Variants in ATP5F1B observed in about 807,000 individuals in gnomAD.
ATP5F1B encodes ATP synthase F1 subunit beta.
Under a neutral mutation model 45.9 loss-of-function variants are expected in ATP5F1B, and 17 were observed. That is an observed-to-expected ratio of 0.37 (90% CI 0.25 to 0.56). The LOEUF is 0.56. Ranked by LOEUF, ATP5F1B falls within the 20% of genes least tolerant of loss-of-function variation. ATP5F1B has a pLI of 0.80. For missense variants in ATP5F1B, 387 were observed against 673.2 expected (o/e 0.57, Z 4.70); for synonymous variants, 218 against 256.5 (o/e 0.85, Z 1.43).
intron 2 of ATP5F1B, 102 bp downstream of exon 2, chr12:56,645,069 C>G: frequency 1.9e-6 from 3 of 1,606,832 alleles, no homozygotes; most frequent in Non-Finnish European, 2.6e-6. Context: ...CTCAGAAGAA[C>G]GAAAGTCATT....
In ATP5F1B at chr12:56,645,865, C is replaced by A. The variant is rs750807220; in HGVS notation, c.99G>T (p.Leu33=). Residue 33 remains leucine (L), a synonymous_variant, in exon 1 of 10, where the codon CTG becomes CTT. Coordinates refer to ENST00000262030, the MANE Select transcript of ATP5F1B (RefSeq NM_001686.4). ...GATGGACCGCCGTCGGAGCGGCCCG[C>A]AGTAAGAGCTGAGCTGGGGGCAGCG... ...SASLPPAQLL[L]RAAPTAVHPV... is the part of the protein sequence containing the mutation. The A allele has an allele frequency of 1.2e-6, 2 of 1,609,522 alleles. No individual in the cohort carries two copies. The highest frequency in any genetic ancestry group is 2.2e-5 in the East Asian group (1 of 44,714).
chr12:56,641,546 ATT>A (rs558768752), intron 7 of ATP5F1B, among the ~76,000 whole-genome samples: 1 of 146,710 alleles, frequency 6.8e-6, no homozygotes, highest in African/African-American at 2.5e-5. Context: ...AATGCAGTAA[ATT>A]TTTTTTTTTT....
At chr12:56,640,340 G>A (rs1951502833) in intron 7 of ATP5F1B, 148 bp from the exon 8 acceptor site, 1 of 668,894 alleles carries the variant, frequency 1.5e-6, no homozygotes, top group Admixed American at 2.9e-5. Flanking sequence ...GCAATTCTCT[G>A]TCTCAGCTTC....
chr12:56,644,557 G>A (rs1379863618), intron 3 of ATP5F1B, among the ~76,000 whole-genome samples: 1 of 151,984 alleles, frequency 6.6e-6, no homozygotes, highest in Non-Finnish European at 1.5e-5. Flanking sequence ...GTTGCAGTGA[G>A]TCGAGAGCGA....
intron 8 of ATP5F1B, chr12:56,639,539 C>T (rs1026061728): frequency 5.8e-6 from 3 of 519,598 alleles, no homozygotes; most frequent in South Asian, 4.1e-5. Flanking sequence ...TTTGGGAGGC[C>T]ACGGTGGGTG....
At position 56,640,010 on chromosome 12, in the gene ATP5F1B, A is replaced by G; in HGVS notation, c.1257T>C (p.Asp419=). Residue 419 remains aspartate, a synonymous_variant, in exon 8 of 10, where the codon GAT becomes GAC. Coordinates refer to ENST00000262030, the MANE Select transcript of ATP5F1B (RefSeq NM_001686.4). ...DPNIVGSEHY[D]VARGVQKILQ... ...GGATCTTTTGCACCCCACGGGCAAC[A>G]TCGTAATGCTCACTGCCAACAATGT... is the stretch of plus-strand genomic sequence containing the variant. The G allele has an allele frequency of 6.2e-7, 1 of 1,614,022 alleles. No homozygotes were observed.
chr12:56,642,018 G>A (rs894662309), intron 7 of ATP5F1B, among the ~76,000 whole-genome samples: 10 of 151,064 alleles, frequency 6.6e-5, no homozygotes, highest in Admixed American at 5.3e-4. Context: ...ATTTTTTGAG[G>A]CAGAGTCTGA....
chr12:56,644,269 A>G (rs1951534240), intron 3 of ATP5F1B, among the ~76,000 whole-genome samples: 1 of 151,736 alleles, frequency 6.6e-6, no homozygotes, highest in Non-Finnish European at 1.5e-5. Flanking sequence ...AAAAACCTAC[A>G]AGTTTTGGAG....
chr12:56,645,109 C>G, intron 2 of ATP5F1B, 62 bp downstream of exon 2: 1 of 1,610,530 alleles, frequency 6.2e-7, no homozygotes, highest in Non-Finnish European at 8.5e-7. Context: ...AGGCAGACAG[C>G]TTGGTTTTGG....
At chr12:56,642,359 T>C (rs1951518638) in intron 7 of ATP5F1B, 99 bp downstream of exon 7, 1 of 1,530,212 alleles carries the variant, frequency 6.5e-7, no homozygotes, top group Non-Finnish European at 8.9e-7. Context: ...TCTCTTGGGC[T>C]CAAGCAATCT....
intron 6 of ATP5F1B, 40 bp from the exon 7 acceptor site, chr12:56,642,620 C>T: frequency 6.2e-7 from 1 of 1,613,994 alleles, no homozygotes; most frequent in Non-Finnish European, 8.5e-7. Flanking sequence ...CATCCTTAGC[C>T]TCATCCGAAG....
At chr12:56,639,350 T>C (rs1204256988) in intron 8 of ATP5F1B, 43 bp from the exon 9 acceptor site, 1 of 1,578,512 alleles carries the variant, frequency 6.3e-7, no homozygotes, top group Non-Finnish European at 8.7e-7. Flanking sequence ...CTCATTCCTT[T>C]AATTTGGACA....
In ATP5F1B at chr12:56,642,562, G is replaced by A. The variant is rs755340059; in HGVS notation, c.970C>T (p.Arg324Ter). The change falls in exon 7 of 10, where the codon CGA (arginine) becomes TGA (stop). Residue 324 changes from arginine to a stop codon, truncating the protein, a stop_gained. Coordinates refer to ENST00000262030, the MANE Select transcript of ATP5F1B (RefSeq NM_001686.4). LOFTEE classifies it high-confidence loss of function. The part of the protein sequence containing the change: ...AGSEVSALLG[R>*]IPSAVGYQPT... ...TGATAGCCCACAGCAGAAGGGATTC[G>A]GCCCAATAATGCAGACACCTAAAAG... 1 of 1,614,014 alleles carries A rather than the reference G, an allele frequency of 6.2e-7. No individual in the cohort carries two copies. The highest frequency in any genetic ancestry group is 1.7e-5 in the Admixed American group (1 of 59,988).
chr12:56,639,023 A>G, intron 9 of ATP5F1B, 83 bp downstream of exon 9: 1 of 1,257,844 alleles, frequency 8.0e-7, no homozygotes, highest in Non-Finnish European at 1.1e-6. Flanking sequence ...AATTAAGCAT[A>G]GTATATTACA....
At chr12:56,640,305 T>C (rs1160456977) in intron 7 of ATP5F1B, 113 bp from the exon 8 acceptor site, 23 of 828,498 alleles carry the variant, frequency 2.8e-5, no homozygotes, top group South Asian at 3.5e-5. Flanking sequence ...CTCGGCTCAC[T>C]GCAACCTCTG....
intron 4 of ATP5F1B, 33 bp downstream of exon 4, chr12:56,643,804 G>C (rs1224467741): frequency 6.2e-7 from 1 of 1,613,386 alleles, no homozygotes; most frequent in South Asian, 1.1e-5. Context: ...TCCCATATTA[G>C]GTTTGGAAAA....
chr12:56,642,298 G>A (rs1951518320), intron 7 of ATP5F1B, among the ~76,000 whole-genome samples, 160 bp downstream of exon 7: 1 of 151,624 alleles, frequency 6.6e-6, no homozygotes, highest in African/African-American at 2.4e-5. Context: ...GCCTGGCCCA[G>A]TCAGTTTTAT....
rs1246488585 is a variant in ATP5F1B at position 56,643,475 on chromosome 12, G to C, written c.720C>G (p.Thr240=). 6.2e-7 allele frequency: 1 copy of C among 1,614,000 alleles called. No homozygotes were observed. Among genetic ancestry groups the C allele is most frequent in the East Asian group, 2.2e-5 (1 of 44,876 alleles). ...CATGGTATAAATCATTGCCTTCACGGGTCCTCTCACCAACACCAGCAAACA... is the reference window on the plus strand; with the variant it reads ...CATGGTATAAATCATTGCCTTCACGCGTCCTCTCACCAACACCAGCAAACA... The part of the protein sequence containing the change: ...YSVFAGVGER[T]REGNDLYHEM... The change falls in exon 5 of 10, where the codon ACC becomes ACG. Residue 240 remains threonine, a synonymous_variant. Transcript: ENST00000262030.
rs1475731189 is a variant in ATP5F1B, at chr12:56,645,211, G to T, written c.270C>A (p.Gly90=). 1 of 1,614,232 alleles carries T rather than the reference G, an allele frequency of 6.2e-7. No individual in the cohort carries two copies. The highest frequency in any genetic ancestry group is 8.5e-7 in the Non-Finnish European group (1 of 1,180,020). Residue 90 remains glycine, a synonymous_variant, in exon 2 of 10, where the codon GGC becomes GGA. Coordinates refer to ENST00000262030, the MANE Select transcript of ATP5F1B (RefSeq NM_001686.4). Reference sequence around the variant, plus strand: ...CCTCCAAAACCAGTCTGGTCTCCCTGCCTTGCACTTCCAGGGCATTTAGAA... The same window carrying T: ...CCTCCAAAACCAGTCTGGTCTCCCTTCCTTGCACTTCCAGGGCATTTAGAA... The part of the protein sequence containing the change: ...PPILNALEVQ[G]RETRLVLEVA...
Sources: gnomAD v4.1 joint callset for allele counts (sites outside exome capture counted in the v4.1 genomes callset) on GRCh38, gnomAD v4.1.1 for gene constraint, MANE v1.5 for transcripts, NCBI Gene and HGNC (gene_info 2026-07-23, HGNC 2026-07-21) for gene names.